The following ADAM18 variants were observed in gnomAD, a reference collection of about 807,000 sequenced individuals.
The protein encoded by ADAM18 is disintegrin and metalloproteinase domain-containing protein 18.
A neutral mutation model predicts 94.4 loss-of-function variants in ADAM18; 117 were observed. That is an observed-to-expected ratio of 1.24 (90% CI 1.07 to 1.45). The LOEUF is 1.45. ADAM18 is among the 40% of genes most tolerant of loss of function. ADAM18 has a pLI of 0.00. For synonymous variants in ADAM18, 327 were observed against 291.6 expected (o/e 1.12, Z -1.24); for missense variants, 936 against 880.0 (o/e 1.06, Z -0.81).
At chr8:39,670,079 T>C (rs1460568163) in intron 14 of ADAM18, among the ~76,000 whole-genome samples, 1 of 152,202 alleles carries the variant, frequency 6.6e-6, no homozygotes, top group African/African-American at 2.4e-5. Flanking sequence ...TGATGAGCAT[T>C]TTTTCATGTG....
intron 10 of ADAM18, among the ~76,000 whole-genome samples, chr8:39,643,180 G>A (rs1284070849): frequency 6.6e-6 from 1 of 152,064 alleles, no homozygotes; most frequent in East Asian, 1.9e-4. Context: ...AGACGTATTT[G>A]GGATGAGATT....
chr8:39,621,595 G>A (rs1168459495), intron 6 of ADAM18, among the ~76,000 whole-genome samples: 23 of 151,716 alleles, frequency 1.5e-4, no homozygotes, highest in Admixed American at 1.3e-3. Flanking sequence ...TTATTTAAAT[G>A]CTCAGATACT....
intron 12 of ADAM18, among the ~76,000 whole-genome samples, chr8:39,655,735 A>G (rs1027581777): frequency 6.6e-6 from 1 of 152,066 alleles, no homozygotes; most frequent in African/African-American, 2.4e-5. Context: ...ATGCATGAAA[A>G]CCCAAAATAA....
At chr8:39,661,950 T>C (rs1820852925) in intron 12 of ADAM18, among the ~76,000 whole-genome samples, 1 of 149,810 alleles carries the variant, frequency 6.7e-6, no homozygotes, top group South Asian at 2.1e-4. Context: ...ATTTTATATA[T>C]ATATAAAGGC....
At chr8:39,679,465 CT>C (rs1398793452) in intron 15 of ADAM18, among the ~76,000 whole-genome samples, 2 of 152,084 alleles carry the variant, frequency 1.3e-5, no homozygotes, top group African/African-American at 4.8e-5. Context: ...ATAAGATAAC[CT>C]TTGGTATGTT....
Position 39,711,677 on chromosome 8 carries a change from T to A in ADAM18, c.2017+4773T>A, listed in dbSNP as rs114757576. ...CAGAGAGAAAAAAGAAGCAGTAAAC[T>A]TGTAGGCAGAACAATTGAAATGGTT... is the stretch of plus-strand genomic sequence containing the variant. On this transcript the variant is annotated intron_variant, in intron 18 of 19. Coordinates refer to ENST00000265707, the MANE Select transcript of ADAM18 (RefSeq NM_014237.3). Among the ~76,000 whole-genome samples the A allele has an allele frequency of 9.2e-3, 1,397 of 151,878 alleles. 29 individuals carry two copies. The highest frequency in any genetic ancestry group is 0.032 in the African/African-American group (1,320 of 41,416).
rs754903847 is a variant in ADAM18 at position 39,680,019 on chromosome 8, T to G, written c.1632-18T>G. ...TAAGAGATAAACTGATAAGGAACTT[T>G]TTGCTTTCCACTTCCAGGGATGTTC... On this transcript the variant is annotated intron_variant, in intron 15 of 19. Coordinates refer to ENST00000265707, the MANE Select transcript of ADAM18 (RefSeq NM_014237.3). 6.2e-6 allele frequency: 10 copies of G among 1,612,308 alleles called. No individual in the cohort carries two copies. In the South Asian group the frequency reaches 1.1e-4, roughly 18 times the overall value.
chr8:39,675,248 T>G lies in ADAM18; in HGVS notation c.1526-2183T>G, dbSNP rs568261461. On this transcript the variant is annotated intron_variant, in intron 14 of 19. Transcript: ENST00000265707. ...ACTTGGTTCCATTCTCCCCATCACT[T>G]TCAGGCACACCAATCAAATGTAGAT... Among the ~76,000 whole-genome samples, 6 of 152,328 alleles carry G rather than the reference T, an allele frequency of 3.9e-5. No individual in the cohort carries two copies. The East Asian group carries it at 9.6e-4, about 24-fold the overall frequency.
intron 4 of ADAM18, 102 bp downstream of exon 4, chr8:39,609,222 A>G (rs972531127): frequency 1.1e-6 from 1 of 877,022 alleles, no homozygotes; most frequent in African/African-American, 1.7e-5. Flanking sequence ...ATCCTTACTG[A>G]CATGTTACTG....
intron 13 of ADAM18, among the ~76,000 whole-genome samples, chr8:39,664,818 T>A (rs1251314065): frequency 6.6e-6 from 1 of 152,190 alleles, no homozygotes; most frequent in Non-Finnish European, 1.5e-5. Flanking sequence ...AGTAATATAG[T>A]ATTATGTCCA....
chr8:39,591,176 T>A (rs1237588462), intron 2 of ADAM18, among the ~76,000 whole-genome samples: 1 of 152,252 alleles, frequency 6.6e-6, no homozygotes, highest in Non-Finnish European at 1.5e-5. Context: ...CCTTGTCTGA[T>A]GTTGATGGCT....
chr8:39,663,842 G>A lies in ADAM18; in HGVS notation c.1278G>A (p.Lys426=), dbSNP rs556836747. The change falls in exon 13 of 20, where the codon AAG becomes AAA. Residue 426 remains lysine (K), a synonymous_variant. Transcript: ENST00000265707. ...GTGATTATAACACATGTAAACTGAA[G>A]GGCTCAGTAAAATGTGGTTCTGGAC... ...KCCDYNTCKL[K]GSVKCGSGPC... 1.4e-5 allele frequency: 22 copies of A among 1,612,398 alleles called. No individual in the cohort carries two copies. Among genetic ancestry groups the A allele is most frequent in the African/African-American group, 9.3e-5 (7 of 74,906 alleles).
intron 13 of ADAM18, 148 bp from the exon 14 acceptor site, chr8:39,667,850 A>AT (rs894199514): frequency 5.1e-5 from 37 of 724,736 alleles, no homozygotes; most frequent in Middle Eastern, 4.0e-4. Flanking sequence ...ACTGTATTTG[A>AT]TTTTTTTTGG....
chr8:39,720,487 C>A (rs965321804), intron 18 of ADAM18, among the ~76,000 whole-genome samples: 1 of 151,274 alleles, frequency 6.6e-6, no homozygotes, highest in African/African-American at 2.4e-5. Flanking sequence ...GTTAAAATAA[C>A]AAAATTAAAA....
chr8:39,604,672 A>C (rs1338356333), intron 2 of ADAM18: 1 of 151,406 alleles, frequency 6.6e-6, no homozygotes, highest in East Asian at 1.9e-4. Context: ...ATGAGTAAAA[A>C]CTCTCTGAGG....
At chr8:39,684,950 G>A (rs1157636179) in intron 16 of ADAM18, among the ~76,000 whole-genome samples, 2 of 152,080 alleles carry the variant, frequency 1.3e-5, no homozygotes, top group Non-Finnish European at 2.9e-5. Context: ...ACTGGTGCCT[G>A]CAGCCCCCAG....
chr8:39,706,919 G>T lies in ADAM18; in HGVS notation c.2017+15G>T. 7.1e-7 allele frequency: 1 copy of T among 1,418,100 alleles called. No homozygotes were observed. The highest frequency in any genetic ancestry group is 9.8e-7 in the Non-Finnish European group (1 of 1,016,220). The allele number at this position is 1,418,100 out of a possible 1,614,324, so 87.8% of individuals were successfully genotyped here. A position where few individuals can be genotyped will look rare whatever the true frequency, so the allele number is the denominator to read the frequency against. Reference sequence around the variant, plus strand: ...TCAGAAATCTGGTAAGTGGAAATTTGTTTTCTAAAGCAAAATAGAAGGTTG... The same window carrying T: ...TCAGAAATCTGGTAAGTGGAAATTTTTTTTCTAAAGCAAAATAGAAGGTTG... On this transcript the variant is annotated intron_variant, in intron 18 of 19. Coordinates refer to ENST00000265707, the MANE Select transcript of ADAM18 (RefSeq NM_014237.3).
intron 6 of ADAM18, chr8:39,611,555 T>A (rs943230996): frequency 7.1e-6 from 7 of 985,280 alleles, no homozygotes; most frequent in Non-Finnish European, 4.8e-6. Context: ...CTGGGATAAA[T>A]AAAAAAAGCA....
chr8:39,606,280 A>G, intron 2 of ADAM18, 27 bp from the exon 3 acceptor site: 2 of 1,353,100 alleles, frequency 1.5e-6, no homozygotes, highest in Non-Finnish European at 2.0e-6. Flanking sequence ...TTTCCTTCAC[A>G]ATCTTTACTG....
Sources: allele counts gnomAD v4.1 joint callset (sites outside exome capture counted in the v4.1 genomes callset), GRCh38; gene constraint gnomAD v4.1.1; transcripts MANE v1.5; gene names NCBI Gene and HGNC (gene_info 2026-07-23, HGNC 2026-07-21).